The following CADM2 variants were observed in gnomAD, a reference collection of about 807,000 sequenced individuals.
CADM2 encodes cell adhesion molecule 2, also known as immunoglobulin superfamily member 4D.
CADM2 carries 12 observed loss-of-function variants against 49.8 expected under a neutral mutation model. The observed-to-expected ratio is 0.24, with a 90% CI of 0.15 to 0.39. CADM2 has a LOEUF of 0.39. CADM2 is among the 10% of genes least tolerant of loss of function. The probability of loss-of-function intolerance (pLI) is 1.00; values close to 1 mark genes in which losing one functional copy is unlikely to be tolerated. For missense variants in CADM2, 378 were observed against 492.3 expected (o/e 0.77, Z 2.20); for synonymous variants, 214 against 175.4 (o/e 1.22, Z -1.74).
At chr3:85,543,420 A>ATG (rs34654299) in intron 1 of CADM2, among the ~76,000 whole-genome samples, 15,071 of 129,390 alleles carry the variant, frequency 0.12, 2,348 homozygotes, top group African/African-American at 0.37. Flanking sequence ...TGCCAAGCTA[A>ATG]TGTGTGTGTG....
At position 85,159,186 on chromosome 3, in the gene CADM2, A is replaced by G. The variant is rs902346074; in HGVS notation, c.61+199518A>G. ...TTACATGATTGCATCATATTCTGTC[A>G]TAGAAATAGAACGTATTATTAATGT... On this transcript the variant is annotated intron_variant, in intron 1 of 9. Coordinates refer to ENST00000383699, the MANE Select transcript of CADM2 (RefSeq NM_001167675.2). 2.6e-5 allele frequency among the ~76,000 whole-genome samples: 4 copies of G among 152,340 alleles called. No homozygotes were observed. In the South Asian group the frequency reaches 6.2e-4, roughly 24 times the overall value.
At chr3:86,022,341 A>G (rs1022875082) in intron 8 of CADM2, among the ~76,000 whole-genome samples, 1 of 152,110 alleles carries the variant, frequency 6.6e-6, no homozygotes, top group Non-Finnish European at 1.5e-5. Flanking sequence ...CCTTGTTCTC[A>G]TTTAATTCAG....
chr3:85,222,098 T>A (rs969442819), intron 1 of CADM2, among the ~76,000 whole-genome samples: 2 of 152,130 alleles, frequency 1.3e-5, no homozygotes, highest in African/African-American at 4.8e-5. Context: ...GTCGTCGTTT[T>A]TGTATTTTGG....
chr3:84,987,959 C>A (rs978303175), intron 1 of CADM2, among the ~76,000 whole-genome samples: 1 of 152,118 alleles, frequency 6.6e-6, no homozygotes, highest in Admixed American at 6.5e-5. Flanking sequence ...ACACAGCCCT[C>A]GTATAGGGGG....
At chr3:85,763,219 T>G (rs371944487) in intron 2 of CADM2, among the ~76,000 whole-genome samples, 1 of 152,192 alleles carries the variant, frequency 6.6e-6, no homozygotes, top group Non-Finnish European at 1.5e-5. Context: ...CTCTGTTCTA[T>G]ATATAAAAAG....
In CADM2 at chr3:85,019,541, C is replaced by T. The variant is rs115466652; in HGVS notation, c.61+59873C>T. On this transcript the variant is annotated intron_variant, in intron 1 of 9. Coordinates refer to ENST00000383699, the MANE Select transcript of CADM2 (RefSeq NM_001167675.2). ...GTGCATCCCTTCAGTCCTGAGCAAACCAAAACAATTGGCCACTCTAACTAA... is the reference window on the plus strand; with the variant it reads ...GTGCATCCCTTCAGTCCTGAGCAAATCAAAACAATTGGCCACTCTAACTAA... 6.1e-3 allele frequency among the ~76,000 whole-genome samples: 925 copies of T among 152,146 alleles called. 12 individuals are homozygous for T. Among genetic ancestry groups the T allele is most frequent in the African/African-American group, 0.021 (885 of 41,498 alleles).
chr3:84,973,370 A>C (rs979322384), intron 1 of CADM2, among the ~76,000 whole-genome samples: 9 of 152,134 alleles, frequency 5.9e-5, no homozygotes, highest in African/African-American at 1.9e-4. Context: ...TTTAAATTTA[A>C]GGTTAAAGAG....
At chr3:85,978,842 C>G (rs1327164449) in intron 8 of CADM2, among the ~76,000 whole-genome samples, 1 of 151,306 alleles carries the variant, frequency 6.6e-6, no homozygotes, top group Admixed American at 6.6e-5. Flanking sequence ...TTTTTACCTA[C>G]ATGTTTTTTG....
At chr3:85,843,900 G>GT (rs887662666) in intron 3 of CADM2, among the ~76,000 whole-genome samples, 1 of 151,706 alleles carries the variant, frequency 6.6e-6, no homozygotes, top group African/African-American at 2.4e-5. Context: ...GTGTGTGTGG[G>GT]GGGGGAGCGG....
intron 1 of CADM2, among the ~76,000 whole-genome samples, chr3:84,972,996 C>G (rs2031565744): frequency 6.6e-6 from 1 of 152,176 alleles, no homozygotes; most frequent in South Asian, 2.1e-4. Flanking sequence ...CTCACTGCAA[C>G]TTCCGCCTCC....
chr3:85,225,666 C>T (rs1420870326), intron 1 of CADM2, among the ~76,000 whole-genome samples: 1 of 152,178 alleles, frequency 6.6e-6, no homozygotes, highest in Non-Finnish European at 1.5e-5. Context: ...AGAGGGCATC[C>T]TTGTCTAGTG....
At chr3:85,990,067 A>C (rs1394215299) in intron 8 of CADM2, among the ~76,000 whole-genome samples, 2 of 149,020 alleles carry the variant, frequency 1.3e-5, no homozygotes, top group Non-Finnish European at 3.0e-5. Context: ...TGGAGTTAGA[A>C]ATGGTGGTAA....
chr3:85,877,684 G>GTTTTTTTTTT (rs368101272), intron 3 of CADM2, among the ~76,000 whole-genome samples: 47 of 111,948 alleles, frequency 4.2e-4, no homozygotes, highest in East Asian at 8.1e-4. Context: ...TTTTTCTTCT[G>GTTTTTTTTTT]TTTTTTTTTT....
intron 1 of CADM2, among the ~76,000 whole-genome samples, chr3:85,135,512 A>G (rs1467065622): frequency 6.6e-6 from 1 of 152,092 alleles, no homozygotes; most frequent in Non-Finnish European, 1.5e-5. Flanking sequence ...TCTATTCACA[A>G]TCAAAAGCAC....
chr3:85,664,861 A>G (rs778273722), intron 1 of CADM2, among the ~76,000 whole-genome samples: 9 of 151,754 alleles, frequency 5.9e-5, no homozygotes, highest in Non-Finnish European at 1.0e-4. Context: ...CCCCCTTATG[A>G]TATTTTTGTC....
intron 6 of CADM2, among the ~76,000 whole-genome samples, chr3:85,931,179 C>A (rs1720540309): frequency 6.6e-6 from 1 of 151,548 alleles, no homozygotes; most frequent in Non-Finnish European, 1.5e-5. Flanking sequence ...TCGAGACCAG[C>A]CTGGGCAACA....
chr3:85,624,818 T>G (rs545247431), intron 1 of CADM2, among the ~76,000 whole-genome samples: 43 of 152,236 alleles, frequency 2.8e-4, no homozygotes, highest in African/African-American at 9.9e-4. Context: ...AATTTTTAAG[T>G]TTTTTGTGGG....
chr3:85,021,049 G>A lies in CADM2; in HGVS notation c.61+61381G>A, dbSNP rs183169401. Among the ~76,000 whole-genome samples, 48 of 149,912 alleles carry A rather than the reference G, an allele frequency of 3.2e-4. No individual in the cohort carries two copies. In the East Asian group the frequency reaches 6.5e-3, roughly 20 times the overall value. On this transcript the variant is annotated intron_variant, in intron 1 of 9. Transcript: ENST00000383699. ...GGAGAATCACATGAGCCTGGGAGGCGGGGGTTGCAGTGAGCCAAGATTGTG... is the reference window on the plus strand; with the variant it reads ...GGAGAATCACATGAGCCTGGGAGGCAGGGGTTGCAGTGAGCCAAGATTGTG...
chr3:85,917,665 C>A (rs1718540853), intron 6 of CADM2, among the ~76,000 whole-genome samples: 1 of 152,090 alleles, frequency 6.6e-6, no homozygotes, highest in Non-Finnish European at 1.5e-5. Context: ...TTTTTTGGTT[C>A]CATATGAACT....
Sources: allele counts gnomAD v4.1 joint callset (sites outside exome capture counted in the v4.1 genomes callset), GRCh38; gene constraint gnomAD v4.1.1; transcripts MANE v1.5; gene names NCBI Gene and HGNC (gene_info 2026-07-23, HGNC 2026-07-21).